The following USP42 variants were observed in gnomAD, a reference collection of about 807,000 sequenced individuals.
USP42 encodes ubiquitin specific peptidase 42, also known as ubiquitin carboxyl-terminal hydrolase 42.
A neutral mutation model predicts 113.0 loss-of-function variants in USP42; 23 were observed. That is an observed-to-expected ratio of 0.20 (90% confidence interval 0.15 to 0.29). The LOEUF (loss-of-function observed/expected upper bound fraction) is 0.29, where lower values mean the gene tolerates loss of function less well. Ranked by LOEUF, USP42 falls within the 10% of genes least tolerant of loss-of-function variation. The pLI is 1.00. For missense variants in USP42, 2,174 were observed against 1,779.8 expected (o/e 1.22, Z -3.99); for synonymous variants, 933 against 699.0 (o/e 1.33, Z -5.28).
upstream of USP42, among the ~76,000 whole-genome samples, chr7:6,102,404 G>A (rs1041336265): frequency 7.5e-5 from 11 of 146,892 alleles, no homozygotes; most frequent in East Asian, 8.9e-4. Context: ...GAGCCACCAC[G>A]CCCAGATTCT....
intron 3 of USP42, among the ~76,000 whole-genome samples, chr7:6,125,202 A>C (rs999958547): frequency 6.8e-6 from 1 of 146,514 alleles, no homozygotes; most frequent in Admixed American, 6.9e-5. Context: ...AAAAAAAAAA[A>C]AACAGGCAGG....
intron 14 of USP42, among the ~76,000 whole-genome samples, chr7:6,152,287 T>C (rs1782109492): frequency 6.6e-6 from 1 of 152,202 alleles, no homozygotes; most frequent in Non-Finnish European, 1.5e-5. Context: ...CGTGTTCTCA[T>C]GGCGAACAAC....
Position 6,160,617 on chromosome 7 carries a change from T to G in USP42, c.*99T>G, listed in dbSNP as rs1782721945. On this transcript the variant is annotated 3_prime_UTR_variant, in exon 18 of 18. Coordinates refer to ENST00000306177, the MANE Select transcript of USP42 (RefSeq NM_032172.3). ...TTAAATTATAAAGATAGACAATAAC[T>G]CTGTTCCAATCTGCGTGGTGCTTCT... 6.6e-6 allele frequency: 1 copy of G among 152,666 alleles called. No homozygotes were observed. The highest frequency in any genetic ancestry group is 1.5e-5 in the Non-Finnish European group (1 of 68,046). The allele number at this position is 152,666 out of a possible 1,614,324, so 9.5% of individuals were successfully genotyped here.
intron 9 of USP42, 41 bp from the exon 10 acceptor site, chr7:6,145,475 G>C: frequency 6.2e-7 from 1 of 1,612,946 alleles, no homozygotes; most frequent in Non-Finnish European, 8.5e-7. Context: ...GGAATGATCT[G>C]TGCCCTCGGA....
chr7:6,129,915 G>A (rs891059557), intron 3 of USP42, among the ~76,000 whole-genome samples: 1 of 151,606 alleles, frequency 6.6e-6, no homozygotes, highest in Non-Finnish European at 1.5e-5. Flanking sequence ...ATCAGACAAT[G>A]TTATAATTTT....
At chr7:6,093,379 G>A in the USP42 span, among the ~76,000 whole-genome samples, 1 of 149,684 alleles carries the variant, frequency 6.7e-6, no homozygotes, top group Non-Finnish European at 1.5e-5. Flanking sequence ...TCCACCTCCC[G>A]AGTTCAAGTG....
rs199973271 is a variant in USP42 at position 6,147,830 on chromosome 7, G to A, written c.1324G>A (p.Val442Ile). The A allele has an allele frequency of 1.3e-4, 208 of 1,613,638 alleles. 1 individual carries two copies. The African/African-American group carries it at 2.5e-3, about 19-fold the overall frequency. The change falls in exon 12 of 18, where the codon GTC becomes ATC. Residue 442 changes from valine to isoleucine, a missense_variant. Coordinates refer to ENST00000306177, the MANE Select transcript of USP42 (RefSeq NM_032172.3). Reference sequence around the variant, plus strand: ...CCGCCCCGTCATCAGTCAGCGGGTTGTCACCAACAAACAGGCTGCGCCAGG... The same window carrying A: ...CCGCCCCGTCATCAGTCAGCGGGTTATCACCAACAAACAGGCTGCGCCAGG... The part of the protein sequence containing the change: ...SPRPVISQRV[V>I]TNKQAAPGFI...
the USP42 span, among the ~76,000 whole-genome samples, chr7:6,093,475 C>A: frequency 6.6e-6 from 1 of 150,502 alleles, no homozygotes; most frequent in African/African-American, 2.5e-5. Context: ...TTGATAGAAA[C>A]CAAAACCATG....
At chr7:6,120,789 G>A (rs1017604719) in intron 3 of USP42, among the ~76,000 whole-genome samples, 16 of 151,858 alleles carry the variant, frequency 1.1e-4, no homozygotes, top group African/African-American at 3.9e-4. Context: ...TCACCCTGTT[G>A]GCCAAGCTGG....
intron 10 of USP42, 85 bp downstream of exon 10, chr7:6,145,741 A>G: frequency 1.4e-6 from 2 of 1,435,410 alleles, no homozygotes; most frequent in Non-Finnish European, 1.9e-6. Context: ...GAGAGGTGGA[A>G]CTTTTACAGT....
intron 11 of USP42, among the ~76,000 whole-genome samples, chr7:6,147,394 T>C (rs1781774923): frequency 1.3e-5 from 2 of 152,154 alleles, no homozygotes; most frequent in Admixed American, 1.3e-4. Context: ...CAGTGAGCAA[T>C]GGCTGTTCCT....
chr7:6,145,326 A>G (rs1781657789), intron 9 of USP42, among the ~76,000 whole-genome samples, 190 bp from the exon 10 acceptor site: 1 of 140,364 alleles, frequency 7.1e-6, no homozygotes, highest in African/African-American at 2.9e-5. Flanking sequence ...GTGGCACGCC[A>G]TCTCAAAAAA....
intron 7 of USP42, among the ~76,000 whole-genome samples, chr7:6,142,509 C>T (rs752347831): frequency 1.3e-5 from 2 of 152,194 alleles, no homozygotes; most frequent in Non-Finnish European, 2.9e-5. Context: ...AGCCACCACG[C>T]CCGCCCGGAA....
intron 3 of USP42, among the ~76,000 whole-genome samples, chr7:6,122,998 A>AT (rs906689165): frequency 4.7e-5 from 7 of 150,536 alleles, no homozygotes; most frequent in African/African-American, 1.7e-4. Context: ...TGATTTTTGT[A>AT]TTTTTTAGTA....
intron 3 of USP42, among the ~76,000 whole-genome samples, chr7:6,123,865 T>C (rs1262614187): frequency 1.3e-5 from 2 of 150,434 alleles, no homozygotes; most frequent in African/African-American, 4.9e-5. Context: ...ACTCCAGTTT[T>C]CTTTTTCGTA....
At position 6,161,274 on chromosome 7, in the gene USP42, T is replaced by C. The variant is rs1782765957; in HGVS notation, c.*756T>C. 3 of 152,566 alleles carry C rather than the reference T, an allele frequency of 2.0e-5. No individual in the cohort carries two copies. Among genetic ancestry groups the C allele is most frequent in the Admixed American group, 6.6e-5 (1 of 15,266 alleles). 9.5% of individuals were successfully genotyped at this position (152,566 alleles called of 1,614,324 possible). A position where few individuals can be genotyped will look rare whatever the true frequency, so the allele number is the denominator to read the frequency against. On this transcript the variant is annotated 3_prime_UTR_variant, in exon 18 of 18. Transcript: ENST00000306177. ...AGTCTCCGTTGTCTGCTTGGTCCCT[T>C]CGAGTTTCTAGTTACAGACACAATC...
rs1423622037 is a variant in USP42, at chr7:6,154,888, C to T, written c.3334C>T (p.His1112Tyr). ...CGAGCCGGCCCGGGAGAGGGAGCGG[C>T]ACCGCCCCAGCAGCCCCCGCGCAGG... ...GCEPARERER[H>Y]RPSSPRAGAP... Residue 1112 changes from histidine to tyrosine, a missense_variant, in exon 15 of 18, where the codon CAC (histidine) becomes TAC (tyrosine). By Grantham distance (83) the His-to-Tyr change is moderately conservative. Coordinates refer to ENST00000306177, the MANE Select transcript of USP42 (RefSeq NM_032172.3). 1.3e-6 allele frequency: 2 copies of T among 1,538,620 alleles called. No individual in the cohort carries two copies. The highest frequency in any genetic ancestry group is 1.4e-5 in the African/African-American group (1 of 72,594).
chr7:6,159,746 G>T lies in USP42; in HGVS notation c.*36+253G>T, dbSNP rs991024048. On this transcript the variant is annotated intron_variant, in intron 17 of 17. Transcript: ENST00000306177. This position sits in a 1 kb window ranked among gnomAD's most constrained non-coding sequence, Gnocchi z 4.1. ...CCGCATCCTTCACGCAGGCAGAGTC[G>T]CCCTGTTCCCTTGTGCCTCACTTGG... Among the ~76,000 whole-genome samples the T allele has an allele frequency of 6.6e-6, 1 of 152,220 alleles. No individual in the cohort carries two copies. The highest frequency in any genetic ancestry group is 1.5e-5 in the Non-Finnish European group (1 of 68,040).
At chr7:6,114,986 G>A (rs1019609185) in intron 2 of USP42, among the ~76,000 whole-genome samples, 4 of 151,850 alleles carry the variant, frequency 2.6e-5, no homozygotes, top group African/African-American at 4.8e-5. Context: ...CACTGTGCCC[G>A]GCCCTATATA....
Sources: allele counts gnomAD v4.1 joint callset (sites outside exome capture counted in the v4.1 genomes callset), GRCh38; gene constraint gnomAD v4.1.1; non-coding constraint Gnocchi (gnomAD v3.1); transcripts MANE v1.5; gene names NCBI Gene and HGNC (gene_info 2026-07-23, HGNC 2026-07-21).